LRP1B: variants seen among roughly 807,000 people sequenced by gnomAD.
LRP1B encodes the protein LDL receptor related protein 1B.
Under a neutral mutation model 556.6 loss-of-function variants are expected in LRP1B, and 217 were observed. The observed-to-expected ratio is 0.39, with a 90% CI of 0.35 to 0.44. The LOEUF is 0.44. Ranked by LOEUF, LRP1B falls within the 20% of genes least tolerant of loss-of-function variation. The pLI is 1.00. For missense variants in LRP1B, 5,053 were observed against 5,620.8 expected, an observed-to-expected ratio of 0.90 and a Z score of 3.23; for synonymous variants, 2,047 against 1,865.8, an observed-to-expected ratio of 1.10 and a Z score of -2.50.
intron 1 of LRP1B, among the ~76,000 whole-genome samples, chr2:141,886,703 T>C (rs150072176): frequency 3.8e-4 from 58 of 152,318 alleles, no homozygotes; most frequent in African/African-American, 1.3e-3. Context: ...TAAAATTCCT[T>C]TGCTTAATAG....
At chr2:141,405,960 T>C (rs1573908546) in intron 3 of LRP1B, among the ~76,000 whole-genome samples, 1 of 152,232 alleles carries the variant, frequency 6.6e-6, no homozygotes, top group Admixed American at 6.5e-5. Flanking sequence ...CATTTGTATG[T>C]ATTTTATTGT....
At chr2:141,626,037 C>T (rs2105342858) in intron 2 of LRP1B, among the ~76,000 whole-genome samples, 1 of 152,126 alleles carries the variant, frequency 6.6e-6, no homozygotes, top group South Asian at 2.1e-4. Flanking sequence ...TACCCAGTCC[C>T]TATTTAGGGG....
intron 77 of LRP1B, among the ~76,000 whole-genome samples, chr2:140,342,732 T>C (rs1464403644): frequency 2.0e-5 from 3 of 151,428 alleles, no homozygotes; most frequent in African/African-American, 7.3e-5. Flanking sequence ...ACCAGAGAAA[T>C]GAAAGACTAA....
At chr2:141,963,688 C>G (rs1195827245) in intron 1 of LRP1B, among the ~76,000 whole-genome samples, 2 of 149,134 alleles carry the variant, frequency 1.3e-5, no homozygotes, top group African/African-American at 2.5e-5. Flanking sequence ...TGGCACAAGA[C>G]AGGGATGCCC....
At chr2:140,947,722 T>G (rs903615925) in intron 20 of LRP1B, among the ~76,000 whole-genome samples, 1 of 152,206 alleles carries the variant, frequency 6.6e-6, no homozygotes, top group Non-Finnish European at 1.5e-5. Flanking sequence ...CCTGGAATGT[T>G]AACTTTTCAC....
rs548641034 is a variant in LRP1B at position 141,416,721 on chromosome 2, G to C, written c.343+63675C>G. ...CCACTCACCTTGGCCTCCCAAAGTA[G>C]ACAGCTATTATTTTTTTCATTGTTG... On this transcript the variant is annotated intron_variant, in intron 3 of 90. Coordinates refer to ENST00000389484, the MANE Select transcript of LRP1B (RefSeq NM_018557.3). Among the ~76,000 whole-genome samples the C allele has an allele frequency of 1.2e-4, 18 of 152,084 alleles. No homozygotes were observed. In the East Asian group the frequency reaches 3.5e-3, roughly 29 times the overall value.
intron 66 of LRP1B, among the ~76,000 whole-genome samples, chr2:140,398,924 T>C (rs570588318): frequency 6.6e-6 from 1 of 152,232 alleles, no homozygotes; most frequent in South Asian, 2.1e-4. Context: ...AGGGTCAGAA[T>C]TACATTTTTT....
At position 141,528,958 on chromosome 2, in the gene LRP1B, T is replaced by C. The variant is rs1440943104; in HGVS notation, c.206-48425A>G. Among the ~76,000 whole-genome samples the C allele has an allele frequency of 2.6e-5, 4 of 152,214 alleles. No individual in the cohort carries two copies. In the East Asian group the frequency reaches 7.7e-4, roughly 29 times the overall value. ...TGTTTTTAGTGTGCACAATTCTTAG[T>C]CTTAGATGTTTATCTAAAGAACAAA... is the stretch of plus-strand genomic sequence containing the variant. On this transcript the variant is annotated intron_variant, in intron 2 of 90. Transcript: ENST00000389484.
chr2:142,117,519 T>C (rs912108875), intron 1 of LRP1B, among the ~76,000 whole-genome samples: 1 of 151,972 alleles, frequency 6.6e-6, no homozygotes, highest in Non-Finnish European at 1.5e-5. Context: ...AACTCAGGGG[T>C]TGCATAGTAA....
chr2:140,855,347 T>A (rs1302909304), intron 27 of LRP1B, among the ~76,000 whole-genome samples: 1 of 151,320 alleles, frequency 6.6e-6, no homozygotes, highest in African/African-American at 2.4e-5. Context: ...GTAGAACACA[T>A]ACTTGATTAT....
chr2:141,103,185 GATT>G (rs1316886022), intron 7 of LRP1B, among the ~76,000 whole-genome samples: 1 of 151,750 alleles, frequency 6.6e-6, no homozygotes, highest in Non-Finnish European at 1.5e-5. Flanking sequence ...TCTTTTTAAG[GATT>G]ATATGATTCA....
chr2:141,742,238 T>A (rs965905035), intron 2 of LRP1B, among the ~76,000 whole-genome samples: 2 of 142,546 alleles, frequency 1.4e-5, no homozygotes, highest in African/African-American at 5.7e-5. Context: ...TTCCTCCAGT[T>A]TTTTTTTTCT....
chr2:140,607,441 T>C (rs1021682428), intron 41 of LRP1B, among the ~76,000 whole-genome samples: 1 of 152,002 alleles, frequency 6.6e-6, no homozygotes, highest in Admixed American at 6.6e-5. Context: ...AACGAAAACG[T>C]ACCTCCACAC....
chr2:141,741,263 C>CTTTTTTTTTTTTTTTTTTTT (rs11326947), intron 2 of LRP1B, among the ~76,000 whole-genome samples: 9 of 57,988 alleles, frequency 1.6e-4, no homozygotes, highest in East Asian at 3.9e-4. Flanking sequence ...TACTGATTTC[C>CTTTTTTTTTTTTTTTTTTTT]TTTTTTTTTT....
intron 83 of LRP1B, among the ~76,000 whole-genome samples, chr2:140,304,833 T>C (rs1401651171): frequency 6.6e-6 from 1 of 152,198 alleles, no homozygotes; most frequent in Non-Finnish European, 1.5e-5. Flanking sequence ...AATTTTTGTA[T>C]AAGGTGTAAA....
At chr2:141,965,820 TG>T (rs1258790676) in intron 1 of LRP1B, among the ~76,000 whole-genome samples, 11 of 147,320 alleles carry the variant, frequency 7.5e-5, no homozygotes, top group East Asian at 4.0e-4. Context: ...AAAAGAAAAT[TG>T]TTTTTTTTTT....
chr2:141,127,656 G>A (rs1173117805), intron 7 of LRP1B, among the ~76,000 whole-genome samples: 1 of 152,050 alleles, frequency 6.6e-6, no homozygotes, highest in African/African-American at 2.4e-5. Flanking sequence ...CTCTTCAATG[G>A]AGTTTAAGTT....
At chr2:141,950,633 G>A (rs1430893668) in intron 1 of LRP1B, among the ~76,000 whole-genome samples, 1 of 152,130 alleles carries the variant, frequency 6.6e-6, no homozygotes, top group Admixed American at 6.6e-5. Flanking sequence ...TTTGGATAAT[G>A]AAACAAATAT....
intron 41 of LRP1B, among the ~76,000 whole-genome samples, chr2:140,681,523 G>A (rs1685858802): frequency 6.6e-6 from 1 of 152,052 alleles, no homozygotes. Context: ...CTTATAAAAT[G>A]ATAGCGCTTT....
Sources: allele counts gnomAD v4.1 joint callset (sites outside exome capture counted in the v4.1 genomes callset), GRCh38; gene constraint gnomAD v4.1.1; transcripts MANE v1.5; gene names NCBI Gene and HGNC (gene_info 2026-07-23, HGNC 2026-07-21).